Variants in FBXO47 observed in about 807,000 individuals in gnomAD.
FBXO47 encodes F-box only protein 47.
Under a neutral mutation model 53.9 loss-of-function variants are expected in FBXO47, and 34 were observed. The observed-to-expected ratio is 0.63, with a 90% CI of 0.48 to 0.84. The LOEUF (loss-of-function observed/expected upper bound fraction) is 0.84. Ranked by LOEUF, FBXO47 falls within the 40% of genes least tolerant of loss-of-function variation. The pLI is 0.00. For missense variants in FBXO47, 485 were observed against 541.3 expected (o/e 0.90, Z 1.03); for synonymous variants, 165 against 181.6 (o/e 0.91, Z 0.73).
chr17:38,951,479 C>A (rs1048664324), intron 6 of FBXO47, 102 bp downstream of exon 6: 20 of 817,778 alleles, frequency 2.4e-5, no homozygotes, highest in Non-Finnish European at 3.7e-5. Context: ...TAGGCATGAG[C>A]CACTACACCT....
chr17:38,953,125 CCACA>C (rs768926649), intron 5 of FBXO47, among the ~76,000 whole-genome samples: 3,721 of 117,826 alleles, frequency 0.032, 80 homozygotes, highest in African/African-American at 0.045. Flanking sequence ...AAAAAAAAAA[CCACA>C]CACACACACA....
chr17:38,961,979 T>C lies in FBXO47; in HGVS notation c.250A>G (p.Thr84Ala). 1 of 1,613,948 alleles carries C rather than the reference T, an allele frequency of 6.2e-7. No homozygotes were observed. Among genetic ancestry groups the C allele is most frequent in the Non-Finnish European group, 8.5e-7 (1 of 1,179,950 alleles). The part of the protein sequence containing the change: ...VSQHIINYIS[T>A]SSGSKRLLLQ... ...AAAAGTCTTTTGCTTCCTGATGAGG[T>C]TGAGATATAATTAATAATGTGTTGG... is the stretch of plus-strand genomic sequence containing the variant. Residue 84 changes from threonine (T) to alanine (A), a missense_variant, in exon 3 of 11, where the codon ACC becomes GCC. By Grantham distance (58) the Thr-to-Ala change is moderately conservative. Coordinates refer to ENST00000378079, the MANE Select transcript of FBXO47 (RefSeq NM_001008777.3).
chr17:38,941,290 C>T (rs548472714), intron 9 of FBXO47, among the ~76,000 whole-genome samples: 1 of 151,890 alleles, frequency 6.6e-6, no homozygotes, highest in Admixed American at 6.6e-5. Flanking sequence ...CTGCCTCAGC[C>T]TCCCGAGTAG....
At chr17:38,964,878 C>T (rs1055912769) in intron 1 of FBXO47, among the ~76,000 whole-genome samples, 4 of 152,030 alleles carry the variant, frequency 2.6e-5, no homozygotes, top group African/African-American at 4.8e-5. Flanking sequence ...AGTGGCATGA[C>T]GCGATCTCAG....
rs1053557430 is a variant in FBXO47 at position 38,937,184 on chromosome 17, C to T, written c.1350G>A (p.Leu450=). ...AAGGCTTTCTGAGGATTTAGGTAGA[C>T]AGAGGAGTATTCATGGTCAAATACA... The part of the protein sequence containing the change: ...EVLYLTMNTP[L]ST Residue 450 remains leucine (L), a synonymous_variant, in exon 11 of 11, where the codon CTG becomes CTA. Coordinates refer to ENST00000378079, the MANE Select transcript of FBXO47 (RefSeq NM_001008777.3). 14 of 1,493,036 alleles carry T rather than the reference C, an allele frequency of 9.4e-6. No homozygotes were observed. In the African/African-American group the frequency reaches 1.9e-4, roughly 21 times the overall value. 92.5% of individuals were successfully genotyped at this position (1,493,036 alleles called of 1,614,324 possible). A position where few individuals can be genotyped will look rare whatever the true frequency, so the allele number is the denominator to read the frequency against.
rs759727619 is a variant in FBXO47, at chr17:38,943,581, AT to A, written c.940+8del. 9 of 1,520,926 alleles carry A rather than the reference AT, an allele frequency of 5.9e-6. No homozygotes were observed. The African/African-American group carries it at 8.5e-5, about 14-fold the overall frequency. 94.2% of individuals were successfully genotyped at this position (1,520,926 alleles called of 1,614,324 possible). A position where few individuals can be genotyped will look rare whatever the true frequency, so the allele number is the denominator to read the frequency against. ...TCTATTATTCTATGTTAGTAAATAT[AT>A]TTTTTACCTGATAGTTCATCTACAA... On this transcript the variant is annotated splice_region_variant and intron_variant, in intron 8 of 10. Coordinates refer to ENST00000378079, the MANE Select transcript of FBXO47 (RefSeq NM_001008777.3).
chr17:38,957,126 T>C (rs1193095708), intron 4 of FBXO47, 51 bp downstream of exon 4: 2 of 1,187,898 alleles, frequency 1.7e-6, no homozygotes, highest in Non-Finnish European at 2.5e-6. Context: ...AATAATAAAA[T>C]ATCTTTACTG....
At chr17:38,948,754 AT>A (rs1398271282) in intron 6 of FBXO47, among the ~76,000 whole-genome samples, 1 of 151,816 alleles carries the variant, frequency 6.6e-6, no homozygotes, top group Admixed American at 6.6e-5. Flanking sequence ...CTAGATATTT[AT>A]TTATTTATTT....
intron 3 of FBXO47, among the ~76,000 whole-genome samples, chr17:38,960,686 C>T (rs1169237537): frequency 7.0e-6 from 1 of 143,488 alleles, no homozygotes; most frequent in African/African-American, 2.6e-5. Flanking sequence ...GGCTGGAGTG[C>T]AGTGGCGTGA....
At chr17:38,941,618 TATTATATATA>T (rs1567714154) in intron 9 of FBXO47, among the ~76,000 whole-genome samples, 2 of 60,204 alleles carry the variant, frequency 3.3e-5, no homozygotes, top group African/African-American at 6.8e-5. Context: ...ATAAATATAA[TATTATATATA>T]TATATATATA....
At chr17:38,954,563 C>T (rs993491256) in intron 5 of FBXO47, among the ~76,000 whole-genome samples, 8 of 151,966 alleles carry the variant, frequency 5.3e-5, no homozygotes, top group African/African-American at 1.9e-4. Context: ...CTAATCTTTA[C>T]AACTAGTAGA....
chr17:38,947,652 G>A (rs1325292668), intron 6 of FBXO47, among the ~76,000 whole-genome samples: 1 of 152,160 alleles, frequency 6.6e-6, no homozygotes. Context: ...GCTCATGCCT[G>A]TAATCCCAGC....
chr17:38,966,356 C>G (rs1357742661), intron 1 of FBXO47, among the ~76,000 whole-genome samples: 1 of 152,140 alleles, frequency 6.6e-6, no homozygotes, highest in Non-Finnish European at 1.5e-5. Flanking sequence ...TGCCCGCCCC[C>G]ACGCCCAGCT....
chr17:38,961,946 C>T lies in FBXO47; in HGVS notation c.283G>A (p.Asp95Asn). ...TCAGGCAGCTCAAGGTTATGAAAGT[C>T]CTGTAGTAAAAGTCTTTTGCTTCCT... is the stretch of plus-strand genomic sequence containing the variant. ...SSGSKRLLLQ[D>N]FHNLELPDRR... The change falls in exon 3 of 11, where the codon GAC becomes AAC. Residue 95 changes from aspartate to asparagine, a missense_variant. Transcript: ENST00000378079. 6.2e-7 allele frequency: 1 copy of T among 1,613,986 alleles called. No homozygotes were observed. Among genetic ancestry groups the T allele is most frequent in the South Asian group, 1.1e-5 (1 of 91,066 alleles).
intron 9 of FBXO47, 103 bp from the exon 10 acceptor site, chr17:38,938,835 A>C: frequency 2.2e-6 from 2 of 907,230 alleles, no homozygotes; most frequent in Non-Finnish European, 3.3e-6. Flanking sequence ...GATTTTACAT[A>C]ATTTATGATA....
chr17:38,944,853 T>TGTGTGTGTGTGTGTGTGTGTGTGTGA, intron 7 of FBXO47, 107 bp downstream of exon 7: 1 of 793,766 alleles, frequency 1.3e-6, no homozygotes, highest in South Asian at 1.7e-5. Context: ...CATGCATGTG[T>TGTGTGTGTGTGTGTGTGTGTGTGTGA]GTGTGTGTGT....
intron 9 of FBXO47, among the ~76,000 whole-genome samples, chr17:38,941,992 A>AC (rs1230144702): frequency 1.3e-5 from 2 of 151,908 alleles, no homozygotes; most frequent in Non-Finnish European, 2.9e-5. Context: ...TATTTTTAAG[A>AC]CTTTTTATTT....
At chr17:38,954,324 T>A (rs532361470) in intron 5 of FBXO47, among the ~76,000 whole-genome samples, 31 of 151,790 alleles carry the variant, frequency 2.0e-4, no homozygotes, top group African/African-American at 6.8e-4. Context: ...AATAAATAAA[T>A]AAAAATAAAT....
chr17:38,942,774 T>C lies in FBXO47; in HGVS notation c.1083+4A>G. On this transcript the variant is annotated splice_donor_region_variant and intron_variant, in intron 9 of 10. Transcript: ENST00000378079. Reference sequence around the variant, plus strand: ...TTGCTAGAGAAAAACTTATTTTTACTTACCAAAGCCAAAAAGACTACGAGC... The same window carrying C: ...TTGCTAGAGAAAAACTTATTTTTACCTACCAAAGCCAAAAAGACTACGAGC... 1 of 1,601,224 alleles carries C rather than the reference T, an allele frequency of 6.2e-7. No individual in the cohort carries two copies. The highest frequency in any genetic ancestry group is 8.5e-7 in the Non-Finnish European group (1 of 1,176,684).
Sources: allele counts gnomAD v4.1 joint callset (sites outside exome capture counted in the v4.1 genomes callset), GRCh38; gene constraint gnomAD v4.1.1; transcripts MANE v1.5; gene names NCBI Gene and HGNC (gene_info 2026-07-23, HGNC 2026-07-21).